SCAF4: variants seen among roughly 807,000 people sequenced by gnomAD.
SCAF4 encodes SR-related and CTD-associated factor 4.
In SCAF4, 25 loss-of-function variants were observed where a neutral mutation model predicts 129.8. That is an observed-to-expected ratio of 0.19 (90% CI 0.14 to 0.27). SCAF4 has a LOEUF of 0.27. Among genes scored for constraint, SCAF4 ranks in the 10% least tolerant of loss-of-function variants. The probability of loss-of-function intolerance (pLI) is 1.00; values close to 1 mark genes in which losing one functional copy is unlikely to be tolerated. For synonymous variants in SCAF4, 551 were observed against 497.7 expected (o/e 1.11, Z -1.43); for missense variants, 1,246 against 1,457.1 (o/e 0.86, Z 2.36).
chr21:31,723,639 C>CGT (rs1035428086), intron 1 of SCAF4, among the ~76,000 whole-genome samples: 4 of 138,796 alleles, frequency 2.9e-5, no homozygotes, highest in East Asian at 2.0e-4. Flanking sequence ...TGCGCGCGCG[C>CGT]GCGCGCGCAC....
chr21:31,710,435 G>C (rs903212468), intron 1 of SCAF4, among the ~76,000 whole-genome samples: 1 of 152,186 alleles, frequency 6.6e-6, no homozygotes, highest in African/African-American at 2.4e-5. Flanking sequence ...TGTAGTCCCA[G>C]CTACTTGGGA....
chr21:31,689,094 T>C (rs190583408), intron 15 of SCAF4, among the ~76,000 whole-genome samples: 3 of 152,174 alleles, frequency 2.0e-5, no homozygotes, highest in Non-Finnish European at 4.4e-5. Context: ...TTACACCATC[T>C]TCTTCTTTTT....
At chr21:31,697,259 T>C (rs2050410583) in intron 7 of SCAF4, among the ~76,000 whole-genome samples, 1 of 152,098 alleles carries the variant, frequency 6.6e-6, no homozygotes, top group African/African-American at 2.4e-5. Context: ...TCACTAGCAG[T>C]TCCTAAGAGG....
rs766722876 is a variant in SCAF4 at position 31,671,452 on chromosome 21, A to G, written c.3391T>C (p.Ser1131Pro). 1 of 1,614,140 alleles carries G rather than the reference A, an allele frequency of 6.2e-7. No individual in the cohort carries two copies. Among genetic ancestry groups the G allele is most frequent in the African/African-American group, 1.3e-5 (1 of 75,054 alleles). The change falls in exon 20 of 20, where the codon TCA becomes CCA. Residue 1131 changes from serine (S) to proline (P), a missense_variant. Ser to Pro is a moderately conservative substitution (Grantham distance 74, BLOSUM62 -1). Transcript: ENST00000286835. Reference sequence around the variant, plus strand: ...GAATCCTTTTCGGGTTCAACGGATGAGGTAGCCTCAGCAGGTAACTCTTCA... The same window carrying G: ...GAATCCTTTTCGGGTTCAACGGATGGGGTAGCCTCAGCAGGTAACTCTTCA... ...PSEELPAEAT[S>P]SVEPEKDSGS...
intron 1 of SCAF4, among the ~76,000 whole-genome samples, chr21:31,727,299 G>A (rs958584427): frequency 6.6e-6 from 1 of 151,924 alleles, no homozygotes; most frequent in Non-Finnish European, 1.5e-5. Flanking sequence ...AGGCTGGTCT[G>A]TAACTCCTGA....
intron 19 of SCAF4, chr21:31,683,897 C>T (rs528695288): frequency 1.3e-5 from 2 of 153,206 alleles, no homozygotes; most frequent in South Asian, 4.1e-4. Flanking sequence ...ATCCCAAATC[C>T]TCTTTTACCA....
chr21:31,673,617 A>G (rs1490623397), intron 19 of SCAF4, among the ~76,000 whole-genome samples: 2 of 152,258 alleles, frequency 1.3e-5, no homozygotes, highest in African/African-American at 4.8e-5. Context: ...TATCTCAGAT[A>G]GAAATAAAAC....
chr21:31,709,854 T>C (rs1285689202), intron 1 of SCAF4, among the ~76,000 whole-genome samples: 1 of 135,620 alleles, frequency 7.4e-6, no homozygotes, highest in East Asian at 2.1e-4. Context: ...AGATGATACT[T>C]AAAAAAAAAA....
At chr21:31,700,862 G>T in intron 7 of SCAF4, 133 bp downstream of exon 7, 2 of 1,016,236 alleles carry the variant, frequency 2.0e-6, no homozygotes, top group South Asian at 2.7e-5. Flanking sequence ...ATGTTTTCTT[G>T]TTGAGGGGGA....
intron 1 of SCAF4, among the ~76,000 whole-genome samples, chr21:31,717,226 C>T (rs1051418148): frequency 2.6e-5 from 4 of 152,092 alleles, no homozygotes; most frequent in Non-Finnish European, 4.4e-5. Flanking sequence ...ACCAGTAATT[C>T]TACTTCTAGA....
In SCAF4 at chr21:31,691,781, T is replaced by A. The variant is rs568361122; in HGVS notation, c.1728+36A>T. On this transcript the variant is annotated intron_variant, in intron 14 of 19. Transcript: ENST00000286835. ...ACATATTTTTCCCCTTCTGCCTATT[T>A]AAAAAAAAAATTAATTATAACATGT... The A allele has an allele frequency of 2.5e-4, 284 of 1,120,446 alleles. 3 individuals carry two copies. The South Asian group carries it at 3.5e-3, about 14-fold the overall frequency. The allele number at this position is 1,120,446 out of a possible 1,614,324, so 69.4% of individuals were successfully genotyped here.
chr21:31,701,737 A>C (rs73201525), intron 6 of SCAF4, 39 bp downstream of exon 6: 63,297 of 1,579,140 alleles, frequency 0.04, 1,561 homozygotes, highest in Non-Finnish European at 0.045. Context: ...AACAGTACCT[A>C]GTCCTGCAAA....
Position 31,671,586 on chromosome 21 carries a change from C to G in SCAF4, c.3257G>C (p.Arg1086Thr), listed in dbSNP as rs757555139. 1 of 1,614,112 alleles carries G rather than the reference C, an allele frequency of 6.2e-7. No individual in the cohort carries two copies. The highest frequency in any genetic ancestry group is 1.3e-5 in the African/African-American group (1 of 75,050). Reference protein sequence around the residue: ...RGKEKPEVTDRAGGNKTVEPP... With the variant: ...RGKEKPEVTDTAGGNKTVEPP... ...TTCAACGGTTTTGTTACCACCTGCCCTGTCTGTCACCTCAGGCTTTTCCTT... is the reference window on the plus strand; with the variant it reads ...TTCAACGGTTTTGTTACCACCTGCCGTGTCTGTCACCTCAGGCTTTTCCTT... Residue 1086 changes from arginine (R) to threonine (T), a missense_variant, in exon 20 of 20, where the codon AGG becomes ACG. Transcript: ENST00000286835.
chr21:31,672,364 G>T lies in SCAF4; in HGVS notation c.2489-10C>A. 6.2e-7 allele frequency: 1 copy of T among 1,600,728 alleles called. No individual in the cohort carries two copies. The highest frequency in any genetic ancestry group is 1.1e-5 in the South Asian group (1 of 90,674). ...GCAACTCCTTGAGTGCCTAAAAGAC[G>T]ACAAAAATAAAAATGTAAACACCAC... On this transcript the variant is annotated splice_polypyrimidine_tract_variant and intron_variant, in intron 19 of 19. Transcript: ENST00000286835.
chr21:31,711,210 C>T (rs914549399), intron 1 of SCAF4, among the ~76,000 whole-genome samples: 1 of 152,188 alleles, frequency 6.6e-6, no homozygotes, highest in Non-Finnish European at 1.5e-5. Flanking sequence ...AAAAACACTA[C>T]AGGGAAATAC....
At chr21:31,715,669 A>G (rs1337792834) in intron 1 of SCAF4, among the ~76,000 whole-genome samples, 2 of 152,162 alleles carry the variant, frequency 1.3e-5, no homozygotes, top group Non-Finnish European at 2.9e-5. Flanking sequence ...AGCTATTCCA[A>G]TCAGCTTGTA....
At chr21:31,724,747 A>G (rs1339163069) in intron 1 of SCAF4, among the ~76,000 whole-genome samples, 1 of 152,168 alleles carries the variant, frequency 6.6e-6, no homozygotes, top group Non-Finnish European at 1.5e-5. Flanking sequence ...AAAACTACCA[A>G]TTGTGTCATC....
intron 5 of SCAF4, 94 bp from the exon 6 acceptor site, chr21:31,702,012 T>A: frequency 6.9e-7 from 1 of 1,455,766 alleles, no homozygotes; most frequent in Non-Finnish European, 9.4e-7. Flanking sequence ...TTTATCCAAT[T>A]TAACAAAGTA....
intron 19 of SCAF4, among the ~76,000 whole-genome samples, chr21:31,678,441 G>A (rs1448857846): frequency 6.6e-6 from 1 of 152,136 alleles, no homozygotes; most frequent in Non-Finnish European, 1.5e-5. Flanking sequence ...CTCATCTGCT[G>A]CAACAGCATC....
Sources: gnomAD v4.1 joint callset for allele counts (sites outside exome capture counted in the v4.1 genomes callset) on GRCh38, gnomAD v4.1.1 for gene constraint, MANE v1.5 for transcripts, NCBI Gene and HGNC (gene_info 2026-07-23, HGNC 2026-07-21) for gene names.